The following MYBPC1 variants were observed in gnomAD, a reference collection of about 807,000 sequenced individuals.
MYBPC1 encodes myosin binding protein C1.
In MYBPC1, 52 loss-of-function variants were observed where a neutral mutation model predicts 147.1. The ratio of observed to expected loss-of-function variants is 0.35; its 90% CI spans 0.28 to 0.45. MYBPC1 has a LOEUF of 0.45. Ranked by LOEUF, MYBPC1 falls within the 20% of genes least tolerant of loss-of-function variation. The probability of loss-of-function intolerance (pLI) is 1.00; values close to 1 mark genes in which losing one functional copy is unlikely to be tolerated. For synonymous variants in MYBPC1, 477 were observed against 475.9 expected (o/e 1.00, Z -0.03); for missense variants, 1,228 against 1,440.3 (o/e 0.85, Z 2.39).
chr12:101,670,718 G>A lies in MYBPC1; in HGVS notation c.2613+309G>A, dbSNP rs185855378. On this transcript the variant is annotated intron_variant, in intron 24 of 31. Transcript: ENST00000361466. ...GGAGATACCAAATGAAGAAATGCTT[G>A]AAGACTCTTTTGGTCCTATACGTTT... Among the ~76,000 whole-genome samples the A allele has an allele frequency of 8.1e-4, 124 of 152,280 alleles. No homozygotes were observed. The East Asian group carries it at 0.019, about 24-fold the overall frequency.
intron 1 of MYBPC1, among the ~76,000 whole-genome samples, chr12:101,608,291 C>T (rs998578860): frequency 6.6e-6 from 1 of 152,176 alleles, no homozygotes; most frequent in Admixed American, 6.5e-5. Flanking sequence ...TAGGTTGTCC[C>T]TTAAAATATC....
At chr12:101,628,579 A>C (rs1889158335) in intron 5 of MYBPC1, among the ~76,000 whole-genome samples, 1 of 152,152 alleles carries the variant, frequency 6.6e-6, no homozygotes, top group Non-Finnish European at 1.5e-5. Flanking sequence ...GAGAGTTGGC[A>C]ACCTATGCAT....
chr12:101,648,273 G>A lies in MYBPC1; in HGVS notation c.1196+123G>A. 4 of 679,264 alleles carry A rather than the reference G, an allele frequency of 5.9e-6. No individual in the cohort carries two copies. The East Asian group carries it at 1.3e-4, about 21-fold the overall frequency. 42.1% of individuals were successfully genotyped at this position (679,264 alleles called of 1,614,324 possible). On this transcript the variant is annotated intron_variant, in intron 14 of 31. Coordinates refer to ENST00000361466, the MANE Select transcript of MYBPC1 (RefSeq NM_002465.4). ...TGAAAACAATCTCCACCTCATTTGT[G>A]TTAGTAGAGATGATAAATAAAAGTA...
At chr12:101,608,441 A>G (rs992757497) in intron 1 of MYBPC1, among the ~76,000 whole-genome samples, 1 of 152,236 alleles carries the variant, frequency 6.6e-6, no homozygotes, top group Non-Finnish European at 1.5e-5. Context: ...AGAACAAAAA[A>G]CCAACTGTAT....
At chr12:101,662,675 A>C in intron 21 of MYBPC1, 129 bp downstream of exon 21, 1 of 969,808 alleles carries the variant, frequency 1.0e-6, no homozygotes, top group Non-Finnish European at 1.6e-6. Context: ...AGCTTGAAAC[A>C]GTTAGGTACA....
chr12:101,649,569 T>A, intron 15 of MYBPC1, 143 bp downstream of exon 15: 1 of 962,020 alleles, frequency 1.0e-6, no homozygotes, highest in South Asian at 1.5e-5. Flanking sequence ...GCTAAGTGTC[T>A]ATGTCAGATC....
chr12:101,651,536 G>A (rs1894444791), intron 16 of MYBPC1, 143 bp downstream of exon 16: 1 of 1,082,202 alleles, frequency 9.2e-7, no homozygotes, highest in East Asian at 2.5e-5. Context: ...CAACTAGCAA[G>A]AAGGTGTGAT....
intron 15 of MYBPC1, among the ~76,000 whole-genome samples, chr12:101,650,053 A>G (rs1467661885): frequency 6.6e-6 from 1 of 152,232 alleles, no homozygotes; most frequent in African/African-American, 2.4e-5. Context: ...TCATTGAATT[A>G]TTCAGGATCA....
At chr12:101,693,188 C>T in the MYBPC1 span, among the ~76,000 whole-genome samples, 3 of 152,124 alleles carry the variant, frequency 2.0e-5, no homozygotes, top group South Asian at 2.1e-4. Flanking sequence ...CCTCGTGATC[C>T]ACCCGCCTTG....
chr12:101,677,257 A>G lies in MYBPC1; in HGVS notation c.2972A>G (p.His991Arg), dbSNP rs755096005. ...TAGGAATGGTTTACTGTCATTGAGC[A>G]TTATCATCGAACCAGTGCCACCATT... ...KSMEWFTVIE[H>R]YHRTSATITE... The change falls in exon 27 of 32, where the codon CAT (histidine) becomes CGT (arginine). Residue 991 changes from histidine to arginine, a missense_variant. Physicochemically the swap from His to Arg is conservative, Grantham distance 29. Coordinates refer to ENST00000361466, the MANE Select transcript of MYBPC1 (RefSeq NM_002465.4). 6.2e-7 allele frequency: 1 copy of G among 1,613,570 alleles called. No homozygotes were observed. Among genetic ancestry groups the G allele is most frequent in the South Asian group, 1.1e-5 (1 of 91,080 alleles).
the MYBPC1 span, among the ~76,000 whole-genome samples, chr12:101,691,147 C>T: frequency 6.6e-6 from 1 of 152,192 alleles, no homozygotes; most frequent in East Asian, 1.9e-4. Flanking sequence ...TCTGGGCTCA[C>T]TGTATCTTCC....
At chr12:101,693,737 C>CTAAA in the MYBPC1 span, among the ~76,000 whole-genome samples, 1,165 of 101,928 alleles carry the variant, frequency 0.011, 14 homozygotes, top group African/African-American at 0.031. Context: ...GAATCTGTCT[C>CTAAA]TAAATAAATA....
At chr12:101,623,294 G>A (rs1027652335) in intron 3 of MYBPC1, among the ~76,000 whole-genome samples, 20 of 152,276 alleles carry the variant, frequency 1.3e-4, no homozygotes, top group African/African-American at 4.8e-4. Flanking sequence ...AGCCGAGATT[G>A]TGCCACTGCA....
At chr12:101,599,911 C>A (rs138561915) in intron 1 of MYBPC1, among the ~76,000 whole-genome samples, 3 of 152,282 alleles carry the variant, frequency 2.0e-5, no homozygotes, top group African/African-American at 7.2e-5. Flanking sequence ...AGGGCAAATG[C>A]GTGCTAGAGG....
At chr12:101,642,691 GA>G in intron 11 of MYBPC1, 106 bp downstream of exon 11, 1 of 1,314,278 alleles carries the variant, frequency 7.6e-7, no homozygotes, top group Non-Finnish European at 1.1e-6. Context: ...GCGGGGTTGG[GA>G]GTGGGGCTGG....
intron 3 of MYBPC1, among the ~76,000 whole-genome samples, chr12:101,626,327 A>G (rs1888602442): frequency 6.6e-6 from 1 of 152,158 alleles, no homozygotes; most frequent in African/African-American, 2.4e-5. Context: ...ATTTTCCAAC[A>G]CCAATATAAT....
At chr12:101,682,024 A>T (rs1272791936) in intron 29 of MYBPC1, among the ~76,000 whole-genome samples, 1 of 152,186 alleles carries the variant, frequency 6.6e-6, no homozygotes, top group African/African-American at 2.4e-5. Context: ...TAATATTCTT[A>T]GAAAATTTCA....
Position 101,680,738 on chromosome 12 carries a change from G to A in MYBPC1, c.3433+209G>A, listed in dbSNP as rs2303630. Among the ~76,000 whole-genome samples the A allele has an allele frequency of 0.028, 4,190 of 152,230 alleles. 311 individuals are homozygous for A. The East Asian group carries it at 0.28, about 10-fold the overall frequency. On this transcript the variant is annotated intron_variant, in intron 29 of 31. Transcript: ENST00000361466. ...CATTCACTTCACTTTATTTGTGGAA[G>A]GCTACTTGTTATTTAAGTCAACTTA...
Position 101,629,320 on chromosome 12 carries a change from A to C in MYBPC1, c.179-114A>C, listed in dbSNP as rs1009412123. 9 of 745,618 alleles carry C rather than the reference A, an allele frequency of 1.2e-5. No homozygotes were observed. In the African/African-American group the frequency reaches 1.5e-4, roughly 13 times the overall value. The allele number at this position is 745,618 out of a possible 1,614,324, so 46.2% of individuals were successfully genotyped here. A position where few individuals can be genotyped will look rare whatever the true frequency, so the allele number is the denominator to read the frequency against. On this transcript the variant is annotated intron_variant, in intron 5 of 31. Coordinates refer to ENST00000361466, the MANE Select transcript of MYBPC1 (RefSeq NM_002465.4). ...AGAAAGAATGATGTTGTATTTATCT[A>C]GGTTTATTAGACAAAGAAAAGCTAC...
Sources: gnomAD v4.1 joint callset for allele counts (sites outside exome capture counted in the v4.1 genomes callset) on GRCh38, gnomAD v4.1.1 for gene constraint, MANE v1.5 for transcripts, NCBI Gene and HGNC (gene_info 2026-07-23, HGNC 2026-07-21) for gene names.